RBFOX3: variants seen among roughly 807,000 people sequenced by gnomAD.
RBFOX3 encodes RNA binding protein fox-1 homolog 3.
In RBFOX3, 17 loss-of-function variants were observed where a neutral mutation model predicts 48.7. That is an observed-to-expected ratio of 0.35 (90% CI 0.24 to 0.52). The LOEUF (loss-of-function observed/expected upper bound fraction) is 0.52. RBFOX3 is among the 20% of genes least tolerant of loss of function. RBFOX3 has a pLI of 0.94. For missense variants in RBFOX3, 382 were observed against 497.5 expected (o/e 0.77, Z 2.21); for synonymous variants, 212 against 209.5 (o/e 1.01, Z -0.10).
At chr17:79,305,086 C>T (rs979247744) in intron 3 of RBFOX3, among the ~76,000 whole-genome samples, 1 of 152,174 alleles carries the variant, frequency 6.6e-6, no homozygotes, top group Non-Finnish European at 1.5e-5. Context: ...GGTGGGCCGC[C>T]GCCTGGCCAG....
chr17:79,177,230 G>A (rs1461747451), intron 4 of RBFOX3, among the ~76,000 whole-genome samples: 1 of 149,382 alleles, frequency 6.7e-6, no homozygotes, highest in African/African-American at 2.6e-5. Flanking sequence ...CCTCTCCCCA[G>A]CCTTGGAACC....
the RBFOX3 span, among the ~76,000 whole-genome samples, chr17:79,648,008 G>A: frequency 6.6e-6 from 1 of 151,620 alleles, no homozygotes; most frequent in South Asian, 2.1e-4. Context: ...ACCTGGGGGT[G>A]CAGTAGGAGA....
chr17:79,357,881 T>A (rs899273957), intron 2 of RBFOX3, among the ~76,000 whole-genome samples: 3 of 151,692 alleles, frequency 2.0e-5, no homozygotes, highest in African/African-American at 7.3e-5. Flanking sequence ...ATCAGTAAAT[T>A]GAAGTTTTTT....
intron 5 of RBFOX3, among the ~76,000 whole-genome samples, chr17:79,108,798 G>A (rs1313834005): frequency 2.0e-5 from 3 of 152,222 alleles, no homozygotes; most frequent in East Asian, 1.9e-4. Context: ...CCTGGGCTGC[G>A]CAGGGTGGTG....
chr17:79,221,074 GC>G (rs1320825822), intron 4 of RBFOX3, among the ~76,000 whole-genome samples: 1 of 152,200 alleles, frequency 6.6e-6, no homozygotes, highest in Non-Finnish European at 1.5e-5. Flanking sequence ...AGGACTCACT[GC>G]CCTGCAGCCA....
At chr17:79,300,162 C>T (rs575235693) in intron 3 of RBFOX3, among the ~76,000 whole-genome samples, 3 of 152,328 alleles carry the variant, frequency 2.0e-5, no homozygotes, top group African/African-American at 7.2e-5. Context: ...ACTTGTCCTC[C>T]AAAAGTGCTG....
At chr17:79,166,536 A>G (rs937455047) in intron 4 of RBFOX3, among the ~76,000 whole-genome samples, 2 of 152,084 alleles carry the variant, frequency 1.3e-5, no homozygotes, top group Admixed American at 1.3e-4. Flanking sequence ...GGGGCTTCGG[A>G]AGGGTCCCGA....
At chr17:79,143,382 G>A (rs866590836) in intron 4 of RBFOX3, among the ~76,000 whole-genome samples, 1 of 144,892 alleles carries the variant, frequency 6.9e-6, no homozygotes, top group Non-Finnish European at 1.5e-5. Flanking sequence ...GCGGGGGGTG[G>A]GGGGGGGTTC....
At chr17:79,665,502 G>A in the RBFOX3 span, among the ~76,000 whole-genome samples, 16 of 151,514 alleles carry the variant, frequency 1.1e-4, no homozygotes, top group African/African-American at 3.6e-4. Flanking sequence ...AAGACCCCTG[G>A]CCTCTCTTTG....
At position 79,477,484 on chromosome 17, in the gene RBFOX3, A is replaced by G. The variant is rs1323088520; in HGVS notation, c.-175+4970T>C. ...GGCAGGAGAATGGCGTGAACCCGGG[A>G]GGCGGAGTTTGCAGTGAGCTGAGAT... On this transcript the variant is annotated intron_variant, in intron 2 of 14. Transcript: ENST00000693108. This position sits in a 1 kb window ranked among gnomAD's most constrained non-coding sequence, Gnocchi z 4.8. Among the ~76,000 whole-genome samples the G allele has an allele frequency of 6.6e-6, 1 of 151,106 alleles. No individual in the cohort carries two copies.
At chr17:79,357,631 AAAAC>A (rs752155612) in intron 2 of RBFOX3, among the ~76,000 whole-genome samples, 12 of 151,530 alleles carry the variant, frequency 7.9e-5, no homozygotes, top group African/African-American at 2.7e-4. Context: ...ACTCTGTCTC[AAAAC>A]AAACAAACAA....
chr17:79,487,256 A>C (rs1478047654), intron 1 of RBFOX3, among the ~76,000 whole-genome samples: 1 of 152,176 alleles, frequency 6.6e-6, no homozygotes, highest in African/African-American at 2.4e-5. Flanking sequence ...GGCAGAGAGG[A>C]GGCTAGGATG....
chr17:79,147,609 G>A (rs1370126255), intron 4 of RBFOX3, among the ~76,000 whole-genome samples: 1 of 152,172 alleles, frequency 6.6e-6, no homozygotes, highest in Non-Finnish European at 1.5e-5. Context: ...GCTGTCCCCT[G>A]CCCTTGGCAA....
chr17:79,449,145 C>G (rs1227373619), intron 2 of RBFOX3, among the ~76,000 whole-genome samples: 1 of 152,050 alleles, frequency 6.6e-6, no homozygotes, highest in Non-Finnish European at 1.5e-5. Context: ...CAAACAAAAC[C>G]CCTGAAGCTG....
chr17:79,278,560 C>T (rs1002377521), intron 3 of RBFOX3, among the ~76,000 whole-genome samples: 233 of 147,786 alleles, frequency 1.6e-3, no homozygotes, highest in Non-Finnish European at 2.5e-3. Context: ...AGACCCCCCA[C>T]CCTGCCTGTG....
intron 14 of RBFOX3, 126 bp downstream of exon 14, chr17:79,094,324 TG>T: frequency 1.6e-6 from 1 of 618,176 alleles, no homozygotes; most frequent in Non-Finnish European, 2.6e-6. Flanking sequence ...ATCCAGGCCG[TG>T]GTCCTTCCAA....
At chr17:79,131,784 C>G (rs1455688209) in intron 4 of RBFOX3, among the ~76,000 whole-genome samples, 1 of 152,196 alleles carries the variant, frequency 6.6e-6, no homozygotes, top group Non-Finnish European at 1.5e-5. Context: ...GGCCTCCCTG[C>G]TCTGATGGCT....
intron 3 of RBFOX3, among the ~76,000 whole-genome samples, chr17:79,280,431 C>T (rs778551412): frequency 1.3e-5 from 2 of 152,200 alleles, no homozygotes; most frequent in South Asian, 4.1e-4. Context: ...GACACACACA[C>T]GCTGGAATGT....
At chr17:79,356,367 T>TTTTTGTTTTTG (rs1479725765) in intron 2 of RBFOX3, among the ~76,000 whole-genome samples, 1,072 of 77,002 alleles carry the variant, frequency 0.014, 67 homozygotes, top group African/African-American at 0.024. Context: ...TTTTTTTTTT[T>TTTTTGTTTTTG]TTTTTTTTTT....
Sources: gnomAD v4.1 joint callset for allele counts (sites outside exome capture counted in the v4.1 genomes callset) on GRCh38, gnomAD v4.1.1 for gene constraint, Gnocchi (gnomAD v3.1) non-coding constraint, MANE v1.5 for transcripts, NCBI Gene and HGNC (gene_info 2026-07-23, HGNC 2026-07-21) for gene names.